The following ZNF804B variants were observed in gnomAD, a reference collection of about 807,000 sequenced individuals.
ZNF804B encodes zinc finger protein 804B, also known as zinc finger 804B.
A neutral mutation model predicts 101.4 loss-of-function variants in ZNF804B; 80 were observed. The observed-to-expected ratio is 0.79, with a 90% CI of 0.66 to 0.95. The LOEUF is 0.95. ZNF804B is among the 40% of genes least tolerant of loss of function. The probability of loss-of-function intolerance (pLI) is 0.00; values close to 1 mark genes in which losing one functional copy is unlikely to be tolerated. For synonymous variants in ZNF804B, 622 were observed against 558.8 expected (o/e 1.11, Z -1.59); for missense variants, 1,673 against 1,561.9 (o/e 1.07, Z -1.20).
chr7:89,271,407 G>T (rs1240268946), intron 2 of ZNF804B, among the ~76,000 whole-genome samples: 7 of 152,182 alleles, frequency 4.6e-5, no homozygotes, highest in African/African-American at 1.2e-4. Flanking sequence ...TTGCATCCCA[G>T]GGATGAAGCC....
At chr7:89,277,327 TTC>T (rs1327143768) in intron 2 of ZNF804B, among the ~76,000 whole-genome samples, 33 of 150,078 alleles carry the variant, frequency 2.2e-4, no homozygotes, top group Non-Finnish European at 4.6e-4. Context: ...TCTTTTTTTT[TTC>T]TTTTTTTTAT....
At position 88,848,187 on chromosome 7, in the gene ZNF804B, A is replaced by C. The variant is rs890607844; in HGVS notation, c.108+88103A>C. Among the ~76,000 whole-genome samples the C allele has an allele frequency of 2.0e-5, 3 of 152,164 alleles. No homozygotes were observed. In the East Asian group the frequency reaches 5.8e-4, roughly 29 times the overall value. On this transcript the variant is annotated intron_variant, in intron 1 of 3. Coordinates refer to ENST00000333190, the MANE Select transcript of ZNF804B (RefSeq NM_181646.5). ...AACAGGACATCCTCCACAGCAAATA[A>C]TTACCTAGGCCAAAATGTCAATAAC...
intron 1 of ZNF804B, among the ~76,000 whole-genome samples, chr7:88,906,999 CCTT>C (rs1792480710): frequency 6.6e-6 from 1 of 151,826 alleles, no homozygotes; most frequent in Non-Finnish European, 1.5e-5. Flanking sequence ...CTTTCTTTGT[CCTT>C]CTTAATTGTT....
chr7:89,285,465 G>C (rs1790173710), intron 2 of ZNF804B, among the ~76,000 whole-genome samples: 1 of 134,640 alleles, frequency 7.4e-6, no homozygotes, highest in Admixed American at 8.3e-5. Flanking sequence ...AGAGCTTGCA[G>C]TGAGCCGAGA....
At chr7:88,858,297 C>G (rs1235552811) in intron 1 of ZNF804B, among the ~76,000 whole-genome samples, 1 of 152,110 alleles carries the variant, frequency 6.6e-6, no homozygotes, top group Non-Finnish European at 1.5e-5. Context: ...CATAAAGCCT[C>G]TTGTAGCAAT....
chr7:88,934,863 G>C (rs974109302), intron 1 of ZNF804B, among the ~76,000 whole-genome samples: 1 of 151,724 alleles, frequency 6.6e-6, no homozygotes, highest in Non-Finnish European at 1.5e-5. Context: ...TCAATCCAGC[G>C]ATCCCACTAC....
chr7:88,788,145 G>C (rs1790329887), intron 1 of ZNF804B, among the ~76,000 whole-genome samples: 1 of 152,138 alleles, frequency 6.6e-6, no homozygotes, highest in Non-Finnish European at 1.5e-5. Flanking sequence ...GCAGATGCCT[G>C]TGGGGTTCCA....
chr7:88,777,398 A>G (rs776070346), intron 1 of ZNF804B, among the ~76,000 whole-genome samples: 2 of 152,122 alleles, frequency 1.3e-5, no homozygotes, highest in Non-Finnish European at 2.9e-5. Context: ...ACCAGAGACC[A>G]GCTAGCAAGG....
At chr7:89,144,632 T>C (rs1790765072) in intron 1 of ZNF804B, among the ~76,000 whole-genome samples, 1 of 151,876 alleles carries the variant, frequency 6.6e-6, no homozygotes, top group African/African-American at 2.4e-5. Flanking sequence ...TGATCTATTA[T>C]GCAACATGGT....
chr7:89,007,162 T>C (rs934919559), intron 1 of ZNF804B, among the ~76,000 whole-genome samples: 1 of 151,960 alleles, frequency 6.6e-6, no homozygotes, highest in African/African-American at 2.4e-5. Context: ...TTGCATATAA[T>C]GGATGAGGAA....
In ZNF804B at chr7:88,932,130, A is replaced by G. The variant is rs184674294; in HGVS notation, c.108+172046A>G. Among the ~76,000 whole-genome samples, 606 of 152,010 alleles carry G rather than the reference A, an allele frequency of 4.0e-3. 4 individuals are homozygous for G. The highest frequency in any genetic ancestry group is 0.014 in the African/African-American group (574 of 41,540). On this transcript the variant is annotated intron_variant, in intron 1 of 3. Coordinates refer to ENST00000333190, the MANE Select transcript of ZNF804B (RefSeq NM_181646.5). ...CTTGAGTGCTTTTATGCTAGGCTTGATGAAGAGTGGAAAGTCACAGACAAA... is the reference window on the plus strand; with the variant it reads ...CTTGAGTGCTTTTATGCTAGGCTTGGTGAAGAGTGGAAAGTCACAGACAAA...
At chr7:88,812,902 G>T (rs994615945) in intron 1 of ZNF804B, among the ~76,000 whole-genome samples, 2 of 151,648 alleles carry the variant, frequency 1.3e-5, no homozygotes, top group African/African-American at 4.8e-5. Flanking sequence ...GGACCAAGGA[G>T]AGGGGAAAAT....
At chr7:88,856,902 A>G (rs1357620830) in intron 1 of ZNF804B, among the ~76,000 whole-genome samples, 4 of 152,072 alleles carry the variant, frequency 2.6e-5, no homozygotes, top group Non-Finnish European at 5.9e-5. Flanking sequence ...TATATGCTGG[A>G]TTACGTTTAT....
At chr7:89,249,668 C>A (rs1789510038) in intron 2 of ZNF804B, among the ~76,000 whole-genome samples, 1 of 151,996 alleles carries the variant, frequency 6.6e-6, no homozygotes, top group South Asian at 2.1e-4. Context: ...GTGCTAAATG[C>A]CTACCACAAA....
At chr7:88,885,069 A>T (rs933505502) in intron 1 of ZNF804B, among the ~76,000 whole-genome samples, 1 of 151,960 alleles carries the variant, frequency 6.6e-6, no homozygotes, top group African/African-American at 2.4e-5. Context: ...CAATGCATAT[A>T]TAATTTGTAT....
chr7:89,178,625 C>T (rs1004951134), intron 1 of ZNF804B, among the ~76,000 whole-genome samples: 3 of 152,028 alleles, frequency 2.0e-5, no homozygotes, highest in Non-Finnish European at 4.4e-5. Context: ...CTGTTTATAT[C>T]TTGAAAAGTT....
chr7:88,912,551 G>GGA (rs1401007085), intron 1 of ZNF804B, among the ~76,000 whole-genome samples: 3 of 151,964 alleles, frequency 2.0e-5, no homozygotes, highest in African/African-American at 7.2e-5. Flanking sequence ...TTCACATTTT[G>GGA]TCTATGTTCG....
chr7:89,312,559 C>A (rs1231157795), intron 2 of ZNF804B, among the ~76,000 whole-genome samples: 8 of 152,168 alleles, frequency 5.3e-5, no homozygotes, highest in African/African-American at 1.9e-4. Flanking sequence ...AGAAAGTATG[C>A]TTGGATGCAT....
intron 2 of ZNF804B, among the ~76,000 whole-genome samples, chr7:89,294,056 T>C (rs2115904089): frequency 6.6e-6 from 1 of 152,196 alleles, no homozygotes; most frequent in East Asian, 1.9e-4. Context: ...AAGGCTCACA[T>C]TCTTTCTCTT....
Sources: allele counts gnomAD v4.1 joint callset (sites outside exome capture counted in the v4.1 genomes callset), GRCh38; gene constraint gnomAD v4.1.1; transcripts MANE v1.5; gene names NCBI Gene and HGNC (gene_info 2026-07-23, HGNC 2026-07-21).